The following SUSD5 variants were observed in gnomAD, a reference collection of about 807,000 sequenced individuals.
The protein encoded by SUSD5 is sushi domain containing 5, also known as sushi domain-containing protein 5.
In SUSD5, 33 loss-of-function variants were observed where a neutral mutation model predicts 29.5. The observed-to-expected ratio is 1.12, with a 90% CI of 0.85 to 1.49. SUSD5 has a LOEUF of 1.49. Among genes scored for constraint, SUSD5 ranks in the 40% most tolerant of loss-of-function variants. The pLI is 0.00. For missense variants in SUSD5, 776 were observed against 800.6 expected, an observed-to-expected ratio of 0.97 and a Z score of 0.37; for synonymous variants, 308 against 325.3, an observed-to-expected ratio of 0.95 and a Z score of 0.57.
intron 4 of SUSD5, among the ~76,000 whole-genome samples, chr3:33,158,571 C>G (rs1200753651): frequency 6.6e-6 from 1 of 152,188 alleles, no homozygotes; most frequent in African/African-American, 2.4e-5. Flanking sequence ...CTTGGCATTC[C>G]ACATGTCTGA....
At chr3:33,161,806 G>A (rs11706300) in intron 4 of SUSD5, among the ~76,000 whole-genome samples, 126,114 of 151,666 alleles carry the variant, frequency 0.83, 53,001 homozygotes, top group East Asian at 1. Flanking sequence ...AAAATTGTAT[G>A]TACTTAATAA....
At chr3:33,168,294 T>TA (rs1226639963) in intron 4 of SUSD5, among the ~76,000 whole-genome samples, 2 of 152,136 alleles carry the variant, frequency 1.3e-5, no homozygotes, top group Admixed American at 1.3e-4. Flanking sequence ...ATAGTAATTT[T>TA]AAAAAAGACA....
Position 33,204,795 on chromosome 3 carries a change from GC to G in SUSD5, c.409+3012del, listed in dbSNP as rs2032186241. Reference sequence around the variant, plus strand: ...CCTGAGTGGCTAGGATTACAGGCATGCACCACTACATCTGGCTACAGCCTGA... The same window carrying G: ...CCTGAGTGGCTAGGATTACAGGCATGACCACTACATCTGGCTACAGCCTGA... On this transcript the variant is annotated intron_variant, in intron 3 of 4. Transcript: ENST00000309558. This position sits in a 1 kb window ranked among gnomAD's most constrained non-coding sequence, Gnocchi z 4.5. Among the ~76,000 whole-genome samples, 2 of 152,178 alleles carry G rather than the reference GC, an allele frequency of 1.3e-5. No individual in the cohort carries two copies. The highest frequency in any genetic ancestry group is 4.8e-5 in the African/African-American group (2 of 41,518).
Position 33,152,700 on chromosome 3 carries a change from T to C in SUSD5, c.*42A>G. ...TTATCGTGTGATGTGTCACAGTTAT[T>C]TTCCTCCCAAGTGGCTTTGGGAGAA... On this transcript the variant is annotated 3_prime_UTR_variant, in exon 5 of 5. Coordinates refer to ENST00000309558, the MANE Select transcript of SUSD5 (RefSeq NM_015551.2). 7.8e-6 allele frequency: 12 copies of C among 1,543,696 alleles called. No individual in the cohort carries two copies. The highest frequency in any genetic ancestry group is 9.6e-6 in the Non-Finnish European group (11 of 1,144,220).
In SUSD5 at chr3:33,175,627, C is replaced by CT. The variant is rs544007153; in HGVS notation, c.410-554dup. Among the ~76,000 whole-genome samples the CT allele has an allele frequency of 4.5e-4, 68 of 151,782 alleles. 3 individuals carry two copies. In the South Asian group the frequency reaches 7.3e-3, roughly 16 times the overall value. ...CATATATACAAATACATACATATTTCTTTTTTTTACATAAATGGGATTTAT... is the reference window on the plus strand; with the variant it reads ...CATATATACAAATACATACATATTTCTTTTTTTTTACATAAATGGGATTTAT... On this transcript the variant is annotated intron_variant, in intron 3 of 4. Coordinates refer to ENST00000309558, the MANE Select transcript of SUSD5 (RefSeq NM_015551.2).
rs1452733264 is a variant in SUSD5, at chr3:33,153,449, C to G, written c.1183G>C (p.Gly395Arg). 1 of 1,614,112 alleles carries G rather than the reference C, an allele frequency of 6.2e-7. No homozygotes were observed. Among genetic ancestry groups the G allele is most frequent in the East Asian group, 2.2e-5 (1 of 44,880 alleles). ...TCATCCAGCCCTACTGACCCATCCC[C>G]TCTGTCCCCATCTTCTTCCTCTTCT... ...EAEEEEDGDR[G>R]DGSVGLDENV... Residue 395 changes from glycine (G) to arginine (R), a missense_variant, in exon 5 of 5, where the codon GGG becomes CGG. Physicochemically the swap from Gly to Arg is moderately radical, Grantham distance 125 (BLOSUM62 -2). Transcript: ENST00000309558.
chr3:33,170,587 C>T (rs1184237459), intron 4 of SUSD5, among the ~76,000 whole-genome samples: 1 of 152,238 alleles, frequency 6.6e-6, no homozygotes, highest in African/African-American at 2.4e-5. Context: ...GACCCTCCTA[C>T]ACCATCCACT....
At chr3:33,200,167 T>C (rs1174843459) in intron 3 of SUSD5, among the ~76,000 whole-genome samples, 1 of 152,158 alleles carries the variant, frequency 6.6e-6, no homozygotes, top group Admixed American at 6.5e-5. Context: ...CCTCACCCCG[T>C]CTACCATGTG....
intron 3 of SUSD5, among the ~76,000 whole-genome samples, chr3:33,202,043 T>TCTAC (rs1337719804): frequency 7.0e-6 from 1 of 142,212 alleles, no homozygotes; most frequent in Non-Finnish European, 1.5e-5. Flanking sequence ...TATCTATCTA[T>TCTAC]CTATCTATCT....
At chr3:33,217,962 C>A (rs547688187) in intron 1 of SUSD5, among the ~76,000 whole-genome samples, 3 of 152,284 alleles carry the variant, frequency 2.0e-5, no homozygotes, top group African/African-American at 7.2e-5. Context: ...GGATACAGAG[C>A]TCCAATCCTG....
intron 4 of SUSD5, among the ~76,000 whole-genome samples, chr3:33,171,133 T>C (rs563629902): frequency 2.6e-5 from 4 of 152,216 alleles, no homozygotes; most frequent in African/African-American, 9.6e-5. Flanking sequence ...CCTGGAGTCC[T>C]GCTCAGGAGT....
At chr3:33,161,413 A>G (rs550318339) in intron 4 of SUSD5, among the ~76,000 whole-genome samples, 1 of 152,304 alleles carries the variant, frequency 6.6e-6, no homozygotes, top group South Asian at 2.1e-4. Context: ...AAACATAATA[A>G]GTAAAAAATG....
intron 3 of SUSD5, among the ~76,000 whole-genome samples, chr3:33,192,258 T>C (rs1575539565): frequency 6.7e-6 from 1 of 150,026 alleles, no homozygotes; most frequent in African/African-American, 2.4e-5. Flanking sequence ...TCTTTTTTTT[T>C]TTTTTGTATT....
At chr3:33,169,143 G>C (rs1357584427) in intron 4 of SUSD5, among the ~76,000 whole-genome samples, 1 of 152,202 alleles carries the variant, frequency 6.6e-6, no homozygotes, top group Non-Finnish European at 1.5e-5. Flanking sequence ...AAGGAAACTT[G>C]GGAATGATGG....
At chr3:33,202,058 A>ATCTATCTATCTATCTATCTG (rs1398226837) in intron 3 of SUSD5, among the ~76,000 whole-genome samples, 2 of 109,498 alleles carry the variant, frequency 1.8e-5, no homozygotes, top group African/African-American at 4.5e-5. Context: ...CTATCTATCT[A>ATCTATCTATCTATCTATCTG]TCTGTCTATC....
chr3:33,218,598 G>C, intron 1 of SUSD5, 88 bp downstream of exon 1: 1 of 1,147,964 alleles, frequency 8.7e-7, no homozygotes, highest in Non-Finnish European at 1.1e-6. Context: ...TTGCCGGGCC[G>C]GTCAGAGGGA....
At chr3:33,177,120 A>C (rs1042970071) in intron 3 of SUSD5, among the ~76,000 whole-genome samples, 2 of 152,202 alleles carry the variant, frequency 1.3e-5, no homozygotes, top group African/African-American at 4.8e-5. Context: ...TTGTTAACCC[A>C]TTTATGCCAG....
chr3:33,180,296 C>T (rs1321180793), intron 3 of SUSD5, among the ~76,000 whole-genome samples: 2 of 152,146 alleles, frequency 1.3e-5, no homozygotes, highest in Non-Finnish European at 2.9e-5. Context: ...GTGATCCTAA[C>T]CCTGTGTAAG....
intron 4 of SUSD5, among the ~76,000 whole-genome samples, chr3:33,159,812 C>T (rs1019270709): frequency 3.3e-5 from 5 of 152,086 alleles, no homozygotes; most frequent in African/African-American, 1.2e-4. Context: ...ATTTTACCAA[C>T]AGCAACCTCA....
Sources: allele counts gnomAD v4.1 joint callset (sites outside exome capture counted in the v4.1 genomes callset), GRCh38; gene constraint gnomAD v4.1.1; non-coding constraint Gnocchi (gnomAD v3.1); transcripts MANE v1.5; gene names NCBI Gene and HGNC (gene_info 2026-07-23, HGNC 2026-07-21).